The following AJAP1 variants were observed in gnomAD, a reference collection of about 807,000 sequenced individuals.
The protein encoded by AJAP1 is adherens junction-associated protein 1.
In AJAP1, 5 loss-of-function variants were observed where a neutral mutation model predicts 35.0. That is an observed-to-expected ratio of 0.14 (90% CI 0.07 to 0.30). AJAP1 has a LOEUF of 0.30. AJAP1 is among the 10% of genes least tolerant of loss of function. The pLI, the probability that AJAP1 is intolerant of heterozygous loss-of-function variation, is 1.00. For synonymous variants in AJAP1, 284 were observed against 249.3 expected, an observed-to-expected ratio of 1.14 and a Z score of -1.31; for missense variants, 586 against 571.0, an observed-to-expected ratio of 1.03 and a Z score of -0.27.
At chr1:4,667,046 T>G (rs1639145021) in intron 1 of AJAP1, among the ~76,000 whole-genome samples, 1 of 152,070 alleles carries the variant, frequency 6.6e-6, no homozygotes, top group African/African-American at 2.4e-5. Flanking sequence ...AACCTCTGTG[T>G]CCTGGTGGAG....
At chr1:4,778,237 C>T (rs2100371618) in intron 5 of AJAP1, among the ~76,000 whole-genome samples, 1 of 152,106 alleles carries the variant, frequency 6.6e-6, no homozygotes. Context: ...CCTTTTTGCC[C>T]AGGGAATCTC....
chr1:4,773,765 G>A (rs1252545386), intron 4 of AJAP1, among the ~76,000 whole-genome samples: 1 of 152,242 alleles, frequency 6.6e-6, no homozygotes, highest in African/African-American at 2.4e-5. Flanking sequence ...CAGTGCTTGG[G>A]CCGTGTGGGT....
chr1:4,671,758 T>G lies in AJAP1; in HGVS notation c.29+16304T>G, dbSNP rs1355830206. On this transcript the variant is annotated intron_variant, in intron 1 of 5. Coordinates refer to ENST00000378191, the MANE Select transcript of AJAP1 (RefSeq NM_018836.4). Reference sequence around the variant, plus strand: ...ATAGGCCCATTATTTTTCCTGCTTTTGTAAATCCAAAGACTGAGCAAAATG... The same window carrying G: ...ATAGGCCCATTATTTTTCCTGCTTTGGTAAATCCAAAGACTGAGCAAAATG... Among the ~76,000 whole-genome samples, 4 of 152,338 alleles carry G rather than the reference T, an allele frequency of 2.6e-5. No individual in the cohort carries two copies. The East Asian group carries it at 7.7e-4, about 29-fold the overall frequency.
chr1:4,735,160 T>A (rs1570171837), intron 2 of AJAP1, among the ~76,000 whole-genome samples: 1 of 152,220 alleles, frequency 6.6e-6, no homozygotes, highest in Non-Finnish European at 1.5e-5. Context: ...TACAAAAGCC[T>A]GCCACAGCAC....
At chr1:4,716,564 TGATGATGGA>T (rs912448263) in intron 2 of AJAP1, among the ~76,000 whole-genome samples, 4 of 151,698 alleles carry the variant, frequency 2.6e-5, no homozygotes, top group Non-Finnish European at 4.4e-5. Flanking sequence ...ATGAGGATGA[TGATGATGGA>T]GATGATGGTG....
At chr1:4,779,948 C>T (rs912306531) in intron 5 of AJAP1, among the ~76,000 whole-genome samples, 3 of 151,836 alleles carry the variant, frequency 2.0e-5, no homozygotes, top group Non-Finnish European at 2.9e-5. Context: ...AGTTTGAGAC[C>T]AGTCTGACCA....
chr1:4,717,443 A>G (rs574455064), intron 2 of AJAP1, among the ~76,000 whole-genome samples: 10 of 152,314 alleles, frequency 6.6e-5, no homozygotes, highest in Admixed American at 1.3e-4. Flanking sequence ...CTAGGTTCCC[A>G]TCATCATTCA....
At chr1:4,708,816 CT>C (rs1185758292) in intron 1 of AJAP1, among the ~76,000 whole-genome samples, 1 of 150,312 alleles carries the variant, frequency 6.7e-6, no homozygotes, top group Non-Finnish European at 1.5e-5. Context: ...GGCTTTCCCC[CT>C]GCCCCCCACA....
chr1:4,723,662 C>T lies in AJAP1; in HGVS notation c.829+10963C>T, dbSNP rs1324720187. On this transcript the variant is annotated intron_variant, in intron 2 of 5. Transcript: ENST00000378191. This position sits in a 1 kb window ranked among gnomAD's most constrained non-coding sequence, Gnocchi z 4.3. ...GATGGAAGGGAGACGGGAGGTGAGC[C>T]GCAGATGCAGTGGGTGGAGCTGAAT... 6.6e-6 allele frequency among the ~76,000 whole-genome samples: 1 copy of T among 152,056 alleles called. No homozygotes were observed.
intron 1 of AJAP1, among the ~76,000 whole-genome samples, chr1:4,694,640 G>T (rs991668322): frequency 1.3e-5 from 2 of 152,256 alleles, no homozygotes; most frequent in African/African-American, 4.8e-5. Flanking sequence ...CACGCGAGGG[G>T]TCTCCCCTTG....
In AJAP1 at chr1:4,788,328, A is replaced by G. The variant is rs1642200265; in HGVS notation, c.*5843A>G. 6.5e-6 allele frequency: 1 copy of G among 152,706 alleles called. No individual in the cohort carries two copies. The highest frequency in any genetic ancestry group is 2.1e-4 in the South Asian group (1 of 4,864). The allele number at this position is 152,706 out of a possible 1,614,324, so 9.5% of individuals were successfully genotyped here. A position where few individuals can be genotyped will look rare whatever the true frequency, so the allele number is the denominator to read the frequency against. ...TTGTATTTGGATGTAAGGAGTGACT[A>G]AAAACAGGTCTAGGCAGAGAACTGC... On this transcript the variant is annotated 3_prime_UTR_variant, in exon 6 of 6. Transcript: ENST00000378191.
chr1:4,742,691 ACT>A (rs1266741580), intron 2 of AJAP1, among the ~76,000 whole-genome samples: 1 of 151,912 alleles, frequency 6.6e-6, no homozygotes, highest in East Asian at 1.9e-4. Context: ...CTCTTAAGTC[ACT>A]CTCTGCAATC....
chr1:4,772,508 C>A lies in AJAP1; in HGVS notation c.1146C>A (p.Ser382=). The A allele has an allele frequency of 6.2e-7, 1 of 1,614,096 alleles. No individual in the cohort carries two copies. The highest frequency in any genetic ancestry group is 8.5e-7 in the Non-Finnish European group (1 of 1,179,976). ...TLHSTTGEYK[S]TFNGNRPSSS... is the part of the protein sequence containing the mutation. Reference sequence around the variant, plus strand: ...ACTCGACGACGGGGGAGTACAAATCCACATTTAATGGAAACCGGTAAGCTC... The same window carrying A: ...ACTCGACGACGGGGGAGTACAAATCAACATTTAATGGAAACCGGTAAGCTC... The change falls in exon 4 of 6, where the codon TCC becomes TCA. Residue 382 remains serine, a synonymous_variant. Transcript: ENST00000378191.
At chr1:4,696,760 C>CTG (rs1243437784) in intron 1 of AJAP1, among the ~76,000 whole-genome samples, 1 of 152,124 alleles carries the variant, frequency 6.6e-6, no homozygotes. Flanking sequence ...GTGCATATGA[C>CTG]TGTGTGTGCA....
chr1:4,667,154 C>T (rs1400410370), intron 1 of AJAP1, among the ~76,000 whole-genome samples: 1 of 152,086 alleles, frequency 6.6e-6, no homozygotes, highest in Non-Finnish European at 1.5e-5. Flanking sequence ...GAGGACTCCC[C>T]AGGCGGGGAA....
At chr1:4,766,668 A>G (rs536519256) in intron 2 of AJAP1, among the ~76,000 whole-genome samples, 1 of 152,306 alleles carries the variant, frequency 6.6e-6, no homozygotes, top group Non-Finnish European at 1.5e-5. Flanking sequence ...ACGGCTGTTT[A>G]CTTTGCAAGA....
At chr1:4,759,624 C>T (rs1289302862) in intron 2 of AJAP1, among the ~76,000 whole-genome samples, 2 of 152,150 alleles carry the variant, frequency 1.3e-5, no homozygotes, top group African/African-American at 4.8e-5. Context: ...TGCCTTCCTT[C>T]CATGGCTTCT....
intron 5 of AJAP1, among the ~76,000 whole-genome samples, chr1:4,780,780 C>T (rs145978167): frequency 8.6e-5 from 13 of 151,966 alleles, no homozygotes; most frequent in African/African-American, 2.2e-4. Flanking sequence ...TACAGGTGTG[C>T]GCCCCCATGC....
intron 2 of AJAP1, among the ~76,000 whole-genome samples, chr1:4,724,390 C>T (rs889351333): frequency 6.6e-6 from 1 of 152,146 alleles, no homozygotes; most frequent in Admixed American, 6.5e-5. Context: ...CTCATCTGCT[C>T]ACAGAAGGGG....
Sources: gnomAD v4.1 joint callset for allele counts (sites outside exome capture counted in the v4.1 genomes callset) on GRCh38, gnomAD v4.1.1 for gene constraint, Gnocchi (gnomAD v3.1) non-coding constraint, MANE v1.5 for transcripts, NCBI Gene and HGNC (gene_info 2026-07-23, HGNC 2026-07-21) for gene names.